The following ALAS2 variants were observed in gnomAD, a reference collection of about 807,000 sequenced individuals.
ALAS2 encodes the protein 5'-aminolevulinate synthase 2.
A neutral mutation model predicts 33.7 loss-of-function variants in ALAS2; 3 were observed. The ratio of observed to expected loss-of-function variants is 0.09; its 90% CI spans 0.04 to 0.23. The LOEUF is 0.23. Ranked by LOEUF, ALAS2 falls within the 10% of genes least tolerant of loss-of-function variation. The pLI is 1.00. For synonymous variants in ALAS2, 191 were observed against 177.3 expected, an observed-to-expected ratio of 1.08 and a Z score of -0.61; for missense variants, 304 against 475.1, an observed-to-expected ratio of 0.64 and a Z score of 3.35.
intron 4 of ALAS2, among the ~76,000 whole-genome samples, chrX:55,022,918 G>C (rs1165110892): frequency 9.0e-6 from 1 of 111,349 alleles, no homozygotes; most frequent in Non-Finnish European, 1.9e-5. Context: ...TATATAGCAA[G>C]ATATTATTAG....
intron 8 of ALAS2, among the ~76,000 whole-genome samples, chrX:55,015,299 G>A (rs1163032351): frequency 9.0e-6 from 1 of 111,021 alleles, no homozygotes. Flanking sequence ...GAAGCTTGGG[G>A]CTAGGGTGGG....
rs746556523 is a variant in ALAS2 at position 55,023,942 on chromosome X, C to T, written c.305-75G>A. On this transcript the variant is annotated intron_variant, in intron 3 of 10. Coordinates refer to ENST00000650242, the MANE Select transcript of ALAS2 (RefSeq NM_000032.5). ...GAAAGCATGTGTTGTCCTCTTTAAG[C>T]TCAATGCAACACATGAAAATTCAAG... 11 of 824,294 alleles carry T rather than the reference C, an allele frequency of 1.3e-5. No homozygotes were observed. In the East Asian group the frequency reaches 3.3e-4, roughly 25 times the overall value. The allele number at this position is 824,294 out of a possible 1,213,427, so 67.9% of individuals were successfully genotyped here.
At chrX:55,019,543 G>C (rs933680180) in intron 6 of ALAS2, among the ~76,000 whole-genome samples, 5 of 111,338 alleles carry the variant, frequency 4.5e-5, no homozygotes, top group African/African-American at 1.6e-4. Flanking sequence ...TAAACTTCGA[G>C]AACTGACCAG....
intron 4 of ALAS2, among the ~76,000 whole-genome samples, chrX:55,022,090 C>G (rs1332378777): frequency 2.7e-5 from 3 of 111,562 alleles, no homozygotes; most frequent in African/African-American, 9.8e-5. Flanking sequence ...TAACCATTAC[C>G]ACTACAAAAT....
intron 4 of ALAS2, 59 bp downstream of exon 4, chrX:55,023,698 G>A: frequency 1.0e-6 from 1 of 959,549 alleles, no homozygotes; most frequent in Non-Finnish European, 1.5e-6. Context: ...TGTGACAGAG[G>A]CCCTTTCAGA....
rs1174086041 is a variant in ALAS2, at chrX:55,015,640, C to T, written c.1106G>A (p.Gly369Asp). Residue 369 changes from glycine (G) to aspartate (D), a missense_variant, in exon 8 of 11, where the codon GGC becomes GAC. Gly to Asp is a moderately conservative substitution (Grantham distance 94, BLOSUM62 -1). Around this residue, in one of 3 missense-constraint regions of ALAS2, gnomAD observed 138 missense variants for 265.3 expected, o/e 0.52. Coordinates refer to ENST00000650242, the MANE Select transcript of ALAS2 (RefSeq NM_000032.5). ...TCCATCACGCTCCCCAATCCCAGCG[C>T]CCCGGGACCCATACAGTCCTACAGC... ...VHAVGLYGSR[G>D]AGIGERDGIM... is the part of the protein sequence containing the mutation. 1 of 1,211,502 alleles carries T rather than the reference C, an allele frequency of 8.3e-7. No individual in the cohort carries two copies.
chrX:55,013,091 G>A (rs955527793), intron 10 of ALAS2, among the ~76,000 whole-genome samples: 2 of 111,122 alleles, frequency 1.8e-5, no homozygotes, highest in South Asian at 3.8e-4. Flanking sequence ...CCTCTGGTAG[G>A]AATACTTCTT....
chrX:55,017,970 T>C (rs1394598493), intron 6 of ALAS2, among the ~76,000 whole-genome samples: 6 of 111,624 alleles, frequency 5.4e-5, no homozygotes, highest in African/African-American at 2.0e-4. Flanking sequence ...GGACGGGACC[T>C]ATTTTCCTTC....
chrX:55,025,932 G>A lies in ALAS2; in HGVS notation c.69C>T (p.Gly23=), dbSNP rs888583846. Residue 23 remains glycine, a synonymous_variant, in exon 2 of 11, where the codon GGC becomes GGT. Coordinates refer to ENST00000650242, the MANE Select transcript of ALAS2 (RefSeq NM_000032.5). ...VLARGPTSLL[G]KVVKTHQFLF... ...GGAACTGGTGAGTCTTAACCACCTT[G>A]CCTAGGAGGCTTGTGGGGCCCCGGG... The A allele has an allele frequency of 5.0e-6, 6 of 1,211,051 alleles. No individual in the cohort carries two copies. The highest frequency in any genetic ancestry group is 6.7e-6 in the Non-Finnish European group (6 of 895,068).
At chrX:55,028,891 G>T (rs1472020818) in intron 1 of ALAS2, among the ~76,000 whole-genome samples, 2 of 111,366 alleles carry the variant, frequency 1.8e-5, no homozygotes, top group Non-Finnish European at 3.8e-5. Flanking sequence ...TTGAATCCTG[G>T]CTCCACCACT....
At chrX:55,009,416 G>A (rs1337877530) in intron 10 of ALAS2, 73 bp from the exon 11 acceptor site, 3 of 1,040,411 alleles carry the variant, frequency 2.9e-6, no homozygotes, top group Non-Finnish European at 3.9e-6. Flanking sequence ...CAGTACAGAT[G>A]AGCCAAGATA....
intron 6 of ALAS2, among the ~76,000 whole-genome samples, chrX:55,018,749 G>C (rs1935747749): frequency 9.0e-6 from 1 of 111,169 alleles, no homozygotes; most frequent in African/African-American, 3.3e-5. Context: ...GGGAATGGGG[G>C]TCCACTAAAG....
intron 2 of ALAS2, among the ~76,000 whole-genome samples, chrX:55,025,329 TTCTTTTC>T (rs1935873633): frequency 9.1e-6 from 1 of 110,041 alleles, no homozygotes; most frequent in Non-Finnish European, 1.9e-5. Context: ...GTGAGACTGT[TTCTTTTC>T]TTTTCTTTTC....
At chrX:55,014,439 A>G (rs990535826) in intron 9 of ALAS2, among the ~76,000 whole-genome samples, 1 of 111,428 alleles carries the variant, frequency 9.0e-6, no homozygotes, top group African/African-American at 3.3e-5. Flanking sequence ...TAACCCACTA[A>G]GCTGATTTTG....
At chrX:55,010,262 A>G (rs1256394004) in intron 10 of ALAS2, among the ~76,000 whole-genome samples, 2 of 111,988 alleles carry the variant, frequency 1.8e-5, no homozygotes, top group African/African-American at 6.5e-5. Flanking sequence ...ATATTACTGT[A>G]GCCCACTCTT....
rs1017390800 is a variant in ALAS2, at chrX:55,020,557, C to T, written c.639-53G>A. The T allele has an allele frequency of 2.2e-5, 24 of 1,100,075 alleles. No individual in the cohort carries two copies. In the Admixed American group the frequency reaches 3.9e-4, roughly 18 times the overall value. 90.7% of individuals were successfully genotyped at this position (1,100,075 alleles called of 1,213,427 possible). ...AGAAAAAGAAACTCTTGTCAGGCAT[C>T]GAGGAACTGGGTAGGTTTCTCTTCC... On this transcript the variant is annotated intron_variant, in intron 5 of 10. Transcript: ENST00000650242.
intron 6 of ALAS2, among the ~76,000 whole-genome samples, chrX:55,019,616 G>A (rs776434000): frequency 1.6e-4 from 18 of 111,328 alleles, no homozygotes; most frequent in Non-Finnish European, 3.0e-4. Context: ...AATTTTTAGT[G>A]ACTCCTGTCT....
chrX:55,015,043 A>ATAAGAT, intron 8 of ALAS2, 28 bp from the exon 9 acceptor site: 1 of 1,199,017 alleles, frequency 8.3e-7, no homozygotes, highest in Non-Finnish European at 1.1e-6. Flanking sequence ...TAAGATATAC[A>ATAAGAT]CAGATCCCAT....
chrX:55,021,364 C>A (rs1438088922), intron 4 of ALAS2, 90 bp from the exon 5 acceptor site: 8 of 739,143 alleles, frequency 1.1e-5, no homozygotes, highest in Admixed American at 2.4e-5. Context: ...ATTTTGAGTT[C>A]TCCAACTCTT....
Sources: allele counts gnomAD v4.1 joint callset (sites outside exome capture counted in the v4.1 genomes callset), GRCh38; gene constraint gnomAD v4.1.1; regional missense constraint gnomAD v4.1.1; transcripts MANE v1.5; gene names NCBI Gene and HGNC (gene_info 2026-07-23, HGNC 2026-07-21).